Variants in GRM7 observed in about 807,000 individuals in gnomAD.
GRM7 encodes the protein metabotropic glutamate receptor 7.
A neutral mutation model predicts 84.5 loss-of-function variants in GRM7; 35 were observed. The ratio of observed to expected loss-of-function variants is 0.41; its 90% CI spans 0.32 to 0.55. The LOEUF is 0.55. GRM7 is among the 20% of genes least tolerant of loss of function. GRM7 has a pLI of 0.19. For missense variants in GRM7, 1,003 were observed against 1,194.6 expected (o/e 0.84, Z 2.36); for synonymous variants, 487 against 455.1 (o/e 1.07, Z -0.89).
At position 7,667,112 on chromosome 3, in the gene GRM7, CA is replaced by C. The variant is rs1049999023; in HGVS notation, c.2452-12929del. ...AGACTCTGTCTCTACAAAAAACAAA[CA>C]AAAAAAATAGCCAGAGGTGGTGGCA... On this transcript the variant is annotated intron_variant, in intron 8 of 9. Transcript: ENST00000357716. Among the ~76,000 whole-genome samples the C allele has an allele frequency of 1.9e-4, 29 of 151,312 alleles. No homozygotes were observed. The East Asian group carries it at 5.1e-3, about 26-fold the overall frequency.
At chr3:6,917,529 T>C (rs1416508488) in intron 1 of GRM7, among the ~76,000 whole-genome samples, 1 of 149,016 alleles carries the variant, frequency 6.7e-6, no homozygotes, top group Admixed American at 6.7e-5. Context: ...AGAAGATGGA[T>C]GTTTGTAATA....
At chr3:7,693,520 G>T in intron 9 of GRM7, 1 of 713,196 alleles carries the variant, frequency 1.4e-6, no homozygotes, top group South Asian at 1.5e-5. Context: ...TTTGTTCTTG[G>T]ACCTTAATTC....
intron 5 of GRM7, among the ~76,000 whole-genome samples, chr3:7,447,090 A>T (rs1048534557): frequency 1.3e-5 from 2 of 152,180 alleles, no homozygotes; most frequent in Non-Finnish European, 2.9e-5. Context: ...GGGAGACGTG[A>T]AAAGTTAAGC....
At chr3:7,289,214 A>T (rs1423801899) in intron 2 of GRM7, among the ~76,000 whole-genome samples, 1 of 152,178 alleles carries the variant, frequency 6.6e-6, no homozygotes, top group Admixed American at 6.5e-5. Context: ...ACCAATTTTT[A>T]GTTCTTGTTC....
intron 2 of GRM7, among the ~76,000 whole-genome samples, chr3:7,221,614 G>A (rs1194014065): frequency 6.6e-6 from 1 of 151,594 alleles, no homozygotes; most frequent in East Asian, 1.9e-4. Context: ...ATATTGTATA[G>A]TTTCTTTTTT....
chr3:7,308,303 C>G (rs752921289), intron 4 of GRM7, among the ~76,000 whole-genome samples: 1 of 152,084 alleles, frequency 6.6e-6, no homozygotes, highest in Non-Finnish European at 1.5e-5. Context: ...GGCCATCTCA[C>G]CCCAACCAAG....
intron 2 of GRM7, among the ~76,000 whole-genome samples, chr3:7,214,607 T>C (rs1696540720): frequency 6.6e-6 from 1 of 152,238 alleles, no homozygotes; most frequent in African/African-American, 2.4e-5. Context: ...GTACTTGAGC[T>C]ACAGCCATCA....
chr3:7,103,816 T>TCTCTCTCTC (rs1699202405), intron 1 of GRM7, among the ~76,000 whole-genome samples: 1 of 89,058 alleles, frequency 1.1e-5, no homozygotes, highest in African/African-American at 4.8e-5. Context: ...CTTTCTTTCT[T>TCTCTCTCTC]TCTCTCTCTC....
chr3:7,207,183 T>C (rs1696267940), intron 2 of GRM7, among the ~76,000 whole-genome samples: 1 of 152,188 alleles, frequency 6.6e-6, no homozygotes, highest in Non-Finnish European at 1.5e-5. Context: ...TCTCACAGCC[T>C]TCCGCCATTA....
At position 6,862,428 on chromosome 3, in the gene GRM7, T is replaced by G. The variant is rs754591236; in HGVS notation, c.519+521T>G. On this transcript the variant is annotated intron_variant, in intron 1 of 9. Transcript: ENST00000357716. The surrounding 1 kb of genome is among the most constrained non-coding windows in gnomAD (Gnocchi z 5.2). ...TTAAATCGAGGGCTCCGTCTTAACCTAGATGTGGATGTTAAGTCCGCATCT... is the reference window on the plus strand; with the variant it reads ...TTAAATCGAGGGCTCCGTCTTAACCGAGATGTGGATGTTAAGTCCGCATCT... Among the ~76,000 whole-genome samples the G allele has an allele frequency of 4.6e-5, 7 of 152,038 alleles. No homozygotes were observed. Among genetic ancestry groups the G allele is most frequent in the Non-Finnish European group, 8.8e-5 (6 of 68,008 alleles).
chr3:7,647,710 CAAG>C (rs1698714946), intron 8 of GRM7, among the ~76,000 whole-genome samples: 1 of 152,058 alleles, frequency 6.6e-6, no homozygotes. Context: ...TAGGCAGACT[CAAG>C]AGATGTGGAT....
At chr3:6,895,813 TACA>T (rs1696158158) in intron 1 of GRM7, among the ~76,000 whole-genome samples, 1 of 152,194 alleles carries the variant, frequency 6.6e-6, no homozygotes, top group Admixed American at 6.6e-5. Context: ...GCTTCATGAT[TACA>T]ACAACTGAAT....
At chr3:6,935,119 T>G (rs1697641747) in intron 1 of GRM7, among the ~76,000 whole-genome samples, 1 of 152,196 alleles carries the variant, frequency 6.6e-6, no homozygotes, top group Non-Finnish European at 1.5e-5. Flanking sequence ...AACTAGAACA[T>G]GATTCATGTT....
chr3:7,635,244 A>C (rs1286984346), intron 8 of GRM7, among the ~76,000 whole-genome samples: 1 of 152,252 alleles, frequency 6.6e-6, no homozygotes, highest in Non-Finnish European at 1.5e-5. Flanking sequence ...TTCGAACTTT[A>C]AGGCAATAAC....
At chr3:6,969,933 A>T (rs1390089240) in intron 1 of GRM7, among the ~76,000 whole-genome samples, 1 of 152,170 alleles carries the variant, frequency 6.6e-6, no homozygotes, top group African/African-American at 2.4e-5. Flanking sequence ...CCACCTTCAG[A>T]GTGTGTAAAG....
chr3:7,398,466 T>C (rs1039183028), intron 4 of GRM7, among the ~76,000 whole-genome samples: 1 of 152,102 alleles, frequency 6.6e-6, no homozygotes, highest in Non-Finnish European at 1.5e-5. Context: ...AAAGTTTAGA[T>C]CTGATAATGC....
rs191053736 is a variant in GRM7, at chr3:7,124,957, G to A, written c.520-21495G>A. ...AAGATTAATAGTTTCTTTTCTTTTT[G>A]AGGCAGAGTCTCACTCTGTCGCCCA... On this transcript the variant is annotated intron_variant, in intron 1 of 9. Transcript: ENST00000357716. Among the ~76,000 whole-genome samples the A allele has an allele frequency of 1.9e-3, 292 of 150,836 alleles. 1 individual carries two copies. The highest frequency in any genetic ancestry group is 6.8e-3 in the African/African-American group (281 of 41,078).
intron 1 of GRM7, among the ~76,000 whole-genome samples, chr3:7,028,766 C>G (rs1439178945): frequency 3.9e-5 from 6 of 152,034 alleles, no homozygotes; most frequent in African/African-American, 1.4e-4. Context: ...CACTACAGAC[C>G]TATTAGAATT....
At chr3:7,681,754 G>A (rs1346760175) in intron 9 of GRM7, 1 of 152,146 alleles carries the variant, frequency 6.6e-6, no homozygotes. Context: ...GGGTTCAAAT[G>A]TAAACCACTC....
Sources: gnomAD v4.1 joint callset for allele counts (sites outside exome capture counted in the v4.1 genomes callset) on GRCh38, gnomAD v4.1.1 for gene constraint, Gnocchi (gnomAD v3.1) non-coding constraint, MANE v1.5 for transcripts, NCBI Gene and HGNC (gene_info 2026-07-23, HGNC 2026-07-21) for gene names.